The following UVRAG variants were observed in gnomAD, a reference collection of about 807,000 sequenced individuals.
UVRAG encodes UV radiation resistance-associated gene protein.
UVRAG carries 19 observed loss-of-function variants against 78.0 expected under a neutral mutation model. The observed-to-expected ratio is 0.24, with a 90% CI of 0.17 to 0.36. The LOEUF is 0.36. Ranked by LOEUF, UVRAG falls within the 10% of genes least tolerant of loss-of-function variation. The probability of loss-of-function intolerance (pLI) is 1.00; values close to 1 mark genes in which losing one functional copy is unlikely to be tolerated. For synonymous variants in UVRAG, 323 were observed against 324.6 expected (o/e 1.00, Z 0.05); for missense variants, 740 against 853.8 (o/e 0.87, Z 1.66).
intron 13 of UVRAG, among the ~76,000 whole-genome samples, chr11:76,075,807 T>C (rs1461153677): frequency 6.6e-6 from 1 of 152,216 alleles, no homozygotes; most frequent in Non-Finnish European, 1.5e-5. Flanking sequence ...ATAGATTTGC[T>C]GTTCTGGACA....
At chr11:76,129,650 C>T (rs1407065557) in intron 14 of UVRAG, among the ~76,000 whole-genome samples, 3 of 152,178 alleles carry the variant, frequency 2.0e-5, no homozygotes, top group Non-Finnish European at 4.4e-5. Context: ...ACCTTTGTTC[C>T]TCCTTTTCTT....
chr11:76,128,440 T>G (rs1396461682), intron 14 of UVRAG, among the ~76,000 whole-genome samples: 1 of 152,196 alleles, frequency 6.6e-6, no homozygotes, highest in African/African-American at 2.4e-5. Flanking sequence ...TAGCATATGT[T>G]GATAAGTGTC....
intron 14 of UVRAG, among the ~76,000 whole-genome samples, chr11:76,128,055 A>T (rs1952445168): frequency 6.6e-6 from 1 of 152,178 alleles, no homozygotes; most frequent in East Asian, 1.9e-4. Flanking sequence ...AGGCACACTA[A>T]AAAAGCAGTG....
chr11:76,010,748 T>C (rs568607985), intron 11 of UVRAG, among the ~76,000 whole-genome samples: 1 of 152,268 alleles, frequency 6.6e-6, no homozygotes, highest in South Asian at 2.1e-4. Context: ...AATTGGAATT[T>C]GTTGCAAAAG....
intron 6 of UVRAG, among the ~76,000 whole-genome samples, chr11:75,947,416 C>T (rs966061669): frequency 6.6e-6 from 1 of 151,954 alleles, no homozygotes; most frequent in Non-Finnish European, 1.5e-5. Context: ...TCTGCCTACC[C>T]CAAAGATAGT....
chr11:75,860,646 A>G (rs1036938669), intron 2 of UVRAG, among the ~76,000 whole-genome samples: 5 of 152,230 alleles, frequency 3.3e-5, no homozygotes, highest in African/African-American at 1.2e-4. Flanking sequence ...AATGAAAAGA[A>G]CAATACTTAC....
At chr11:75,912,074 G>C (rs780326291) in intron 6 of UVRAG, 35 bp downstream of exon 6, 2 of 1,432,540 alleles carry the variant, frequency 1.4e-6, no homozygotes, top group Non-Finnish European at 2.0e-6. Flanking sequence ...GAATTCTAAA[G>C]AATCTTTCTC....
intron 7 of UVRAG, among the ~76,000 whole-genome samples, chr11:75,981,203 C>T (rs1286055918): frequency 6.6e-6 from 1 of 152,088 alleles, no homozygotes; most frequent in Non-Finnish European, 1.5e-5. Context: ...CCTCCACCTC[C>T]CAGGTTCAAG....
chr11:75,978,934 T>A lies in UVRAG; in HGVS notation c.700-4453T>A, dbSNP rs554688883. 3.9e-3 allele frequency among the ~76,000 whole-genome samples: 597 copies of A among 152,364 alleles called. 3 individuals are homozygous for A. Among genetic ancestry groups the A allele is most frequent in the African/African-American group, 0.013 (547 of 41,584 alleles). ...TTGCTGGCAAGGAGCTGCATTCCTTTGGAGGAGAAGAGGTGCTCTGATTTT... is the reference window on the plus strand; with the variant it reads ...TTGCTGGCAAGGAGCTGCATTCCTTAGGAGGAGAAGAGGTGCTCTGATTTT... On this transcript the variant is annotated intron_variant, in intron 7 of 14. Coordinates refer to ENST00000356136, the MANE Select transcript of UVRAG (RefSeq NM_003369.4).
At chr11:76,011,520 G>A (rs948168034) in intron 11 of UVRAG, among the ~76,000 whole-genome samples, 1 of 152,194 alleles carries the variant, frequency 6.6e-6, no homozygotes, top group African/African-American at 2.4e-5. Flanking sequence ...AGCTACTTGG[G>A]AGGCTGAGGC....
At chr11:76,007,405 C>G in intron 9 of UVRAG, 129 bp from the exon 10 acceptor site, 1 of 680,602 alleles carries the variant, frequency 1.5e-6, no homozygotes, top group Non-Finnish European at 2.4e-6. Flanking sequence ...ATTTATGCTT[C>G]TACTTCTGAG....
chr11:75,872,683 G>C (rs894355755), intron 3 of UVRAG, among the ~76,000 whole-genome samples: 21 of 152,172 alleles, frequency 1.4e-4, no homozygotes, highest in African/African-American at 4.8e-4. Flanking sequence ...CACCACTCCC[G>C]GCCTGCTGGC....
intron 13 of UVRAG, among the ~76,000 whole-genome samples, chr11:76,109,108 C>G (rs1254417842): frequency 1.3e-5 from 2 of 152,090 alleles, no homozygotes; most frequent in African/African-American, 4.8e-5. Flanking sequence ...TATACAGACC[C>G]AAAGCAATAT....
At position 76,143,086 on chromosome 11, in the gene UVRAG, T is replaced by C. The variant is rs1439089702; in HGVS notation, c.*1673T>C. The C allele has an allele frequency of 6.6e-6, 1 of 152,160 alleles. No individual in the cohort carries two copies. Among genetic ancestry groups the C allele is most frequent in the African/African-American group, 2.4e-5 (1 of 41,404 alleles). The allele number at this position is 152,160 out of a possible 1,614,324, so 9.4% of individuals were successfully genotyped here. Reference sequence around the variant, plus strand: ...ACCTAGAGCAGGAGCTTCTCTGCAGTGTACTGTCTGTCGCTCATTTTGGAG... The same window carrying C: ...ACCTAGAGCAGGAGCTTCTCTGCAGCGTACTGTCTGTCGCTCATTTTGGAG... On this transcript the variant is annotated 3_prime_UTR_variant, in exon 15 of 15. Transcript: ENST00000356136.
intron 4 of UVRAG, among the ~76,000 whole-genome samples, chr11:75,888,384 T>A (rs1947140532): frequency 6.6e-6 from 1 of 152,214 alleles, no homozygotes; most frequent in Admixed American, 6.5e-5. Context: ...GCTTAAGCTA[T>A]CTGCCCATCT....
intron 5 of UVRAG, among the ~76,000 whole-genome samples, chr11:75,891,143 T>C (rs1565366073): frequency 6.6e-6 from 1 of 152,210 alleles, no homozygotes; most frequent in Non-Finnish European, 1.5e-5. Context: ...ATACTATGTA[T>C]ACCTTTGACA....
chr11:75,965,347 T>C (rs933391622), intron 7 of UVRAG, among the ~76,000 whole-genome samples: 1 of 152,122 alleles, frequency 6.6e-6, no homozygotes, highest in East Asian at 1.9e-4. Context: ...AGTCTCGCTC[T>C]GTCGCCCAGG....
At chr11:75,946,418 A>G (rs1948588861) in intron 6 of UVRAG, among the ~76,000 whole-genome samples, 2 of 152,224 alleles carry the variant, frequency 1.3e-5, no homozygotes, top group Admixed American at 1.3e-4. Context: ...GAAAGAATGT[A>G]TTAGTTTTTG....
chr11:76,022,680 A>G (rs1950266979), intron 12 of UVRAG, among the ~76,000 whole-genome samples: 6 of 152,184 alleles, frequency 3.9e-5, no homozygotes, highest in Non-Finnish European at 5.9e-5. Flanking sequence ...TCTCTTGAAG[A>G]TGGCATATAG....
Sources: allele counts gnomAD v4.1 joint callset (sites outside exome capture counted in the v4.1 genomes callset), GRCh38; gene constraint gnomAD v4.1.1; transcripts MANE v1.5; gene names NCBI Gene and HGNC (gene_info 2026-07-23, HGNC 2026-07-21).